The following HPSE2 variants were observed in gnomAD, a reference collection of about 807,000 sequenced individuals.
HPSE2 encodes the protein inactive heparanase-2.
HPSE2 carries 38 observed loss-of-function variants against 60.5 expected under a neutral mutation model. The observed-to-expected ratio is 0.63, with a 90% CI of 0.48 to 0.82. The LOEUF (loss-of-function observed/expected upper bound fraction) is 0.82. Among genes scored for constraint, HPSE2 ranks in the 40% least tolerant of loss-of-function variants. The pLI is 0.00. For missense variants in HPSE2, 713 were observed against 740.4 expected, an observed-to-expected ratio of 0.96 and a Z score of 0.43; for synonymous variants, 295 against 293.2, an observed-to-expected ratio of 1.01 and a Z score of -0.06.
chr10:98,967,440 T>A (rs941060303), intron 3 of HPSE2, among the ~76,000 whole-genome samples: 1 of 152,336 alleles, frequency 6.6e-6, no homozygotes, highest in South Asian at 2.1e-4. Context: ...AGGTTGCAAC[T>A]TCTCTGTGCT....
At chr10:98,559,353 T>C (rs1411179471) in intron 9 of HPSE2, among the ~76,000 whole-genome samples, 1 of 152,140 alleles carries the variant, frequency 6.6e-6, no homozygotes. Context: ...TTAACTCAGT[T>C]CTGAGTCCCC....
At chr10:98,960,746 T>TTTTTTTTTTTTTTA (rs1955653455) in intron 3 of HPSE2, among the ~76,000 whole-genome samples, 1 of 129,862 alleles carries the variant, frequency 7.7e-6, no homozygotes, top group East Asian at 2.2e-4. Flanking sequence ...TTTTATTTTT[T>TTTTTTTTTTTTTTA]TTTTTATTAT....
In HPSE2 at chr10:98,480,093, A is replaced by T. The variant is rs1167176799; in HGVS notation, c.1613+2543T>A. Among the ~76,000 whole-genome samples the T allele has an allele frequency of 2.5e-3, 363 of 145,164 alleles. 2 individuals carry two copies. The highest frequency in any genetic ancestry group is 8.2e-3 in the African/African-American group (326 of 39,740). ...CTCTTTGTCCTTGTCCCTCTCCTAC[A>T]TTTTTTTTTTTTTGAGGCAGAGTCT... On this transcript the variant is annotated intron_variant, in intron 11 of 11. Transcript: ENST00000370552.
At chr10:99,029,189 G>C (rs1957443143) in intron 3 of HPSE2, among the ~76,000 whole-genome samples, 1 of 152,106 alleles carries the variant, frequency 6.6e-6, no homozygotes, top group Non-Finnish European at 1.5e-5. Context: ...ATAAAGTGAA[G>C]AGACAAACAA....
the HPSE2 span, among the ~76,000 whole-genome samples, chr10:99,280,142 C>T: frequency 6.6e-6 from 1 of 152,172 alleles, no homozygotes; most frequent in South Asian, 2.1e-4. Context: ...AAAGTCCCTT[C>T]CAAATCCAAA....
intron 3 of HPSE2, among the ~76,000 whole-genome samples, chr10:99,011,967 T>C (rs1359026469): frequency 6.6e-6 from 1 of 151,964 alleles, no homozygotes; most frequent in Admixed American, 6.6e-5. Flanking sequence ...TCACACTATA[T>C]TCTCAGTCCT....
At chr10:98,519,531 C>G (rs987329723) in intron 9 of HPSE2, among the ~76,000 whole-genome samples, 4 of 152,242 alleles carry the variant, frequency 2.6e-5, no homozygotes, top group African/African-American at 7.2e-5. Flanking sequence ...ATGTGCTGTG[C>G]TTAAAGAAGA....
the HPSE2 span, among the ~76,000 whole-genome samples, chr10:99,283,232 T>C: frequency 7.9e-6 from 1 of 126,078 alleles, no homozygotes; most frequent in Admixed American, 8.3e-5. Context: ...GGATTTCAAA[T>C]CAATAACCTA....
chr10:98,615,529 C>T (rs1257809233), intron 8 of HPSE2, among the ~76,000 whole-genome samples: 1 of 152,172 alleles, frequency 6.6e-6, no homozygotes, highest in Non-Finnish European at 1.5e-5. Context: ...TCATATATCA[C>T]TGTCAGTAGT....
intron 7 of HPSE2, among the ~76,000 whole-genome samples, chr10:98,636,815 A>G (rs549634799): frequency 2.0e-5 from 3 of 152,328 alleles, no homozygotes; most frequent in African/African-American, 4.8e-5. Context: ...TGAAAATAAT[A>G]TCAAAAAGTG....
At chr10:99,304,561 A>G in the HPSE2 span, among the ~76,000 whole-genome samples, 1 of 152,216 alleles carries the variant, frequency 6.6e-6, no homozygotes, top group African/African-American at 2.4e-5. Flanking sequence ...GCCCTGCATC[A>G]GATACATTGT....
At chr10:98,556,128 C>T (rs539559) in intron 9 of HPSE2, among the ~76,000 whole-genome samples, 129,517 of 152,100 alleles carry the variant, frequency 0.85, 56,356 homozygotes, top group East Asian at 1. Flanking sequence ...AAAAGACTGA[C>T]AGTGATAAAG....
chr10:98,595,929 A>G (rs1349029807), intron 9 of HPSE2, among the ~76,000 whole-genome samples: 2 of 152,172 alleles, frequency 1.3e-5, no homozygotes, highest in African/African-American at 4.8e-5. Context: ...GAGTTTTGTC[A>G]TATGCTTTTT....
intron 3 of HPSE2, among the ~76,000 whole-genome samples, chr10:99,029,460 T>C (rs193056480): frequency 7.9e-5 from 12 of 152,184 alleles, no homozygotes; most frequent in African/African-American, 9.6e-5. Context: ...GCCCCAAATG[T>C]CTGGCTGCGC....
At position 98,945,481 on chromosome 10, in the gene HPSE2, G is replaced by C. The variant is rs570055202; in HGVS notation, c.610+198757C>G. On this transcript the variant is annotated intron_variant, in intron 3 of 11. Transcript: ENST00000370552. ...TTACCCTCTTAACCCAACCAATAAA[G>C]AGGAAATGCAGTATAAATTATGATC... 2.0e-5 allele frequency among the ~76,000 whole-genome samples: 3 copies of C among 152,106 alleles called. No homozygotes were observed. The East Asian group carries it at 5.8e-4, about 29-fold the overall frequency.
intron 7 of HPSE2, among the ~76,000 whole-genome samples, chr10:98,621,613 T>C (rs2133988399): frequency 6.6e-6 from 1 of 152,300 alleles, no homozygotes; most frequent in Non-Finnish European, 1.5e-5. Context: ...TTGACAACCA[T>C]TGCTGGCAAA....
intron 2 of HPSE2, among the ~76,000 whole-genome samples, chr10:99,159,838 G>A (rs11190000): frequency 0.036 from 5,533 of 152,074 alleles, 306 homozygotes; most frequent in African/African-American, 0.11. Flanking sequence ...AAAAGTGTTC[G>A]CTCTTTAAAA....
chr10:98,621,611 C>A (rs369330682), intron 7 of HPSE2, among the ~76,000 whole-genome samples: 4 of 152,198 alleles, frequency 2.6e-5, no homozygotes, highest in Non-Finnish European at 4.4e-5. Context: ...AATTGACAAC[C>A]ATTGCTGGCA....
chr10:98,708,453 C>T (rs1948600824), intron 5 of HPSE2, among the ~76,000 whole-genome samples: 1 of 75,364 alleles, frequency 1.3e-5, no homozygotes, highest in Admixed American at 1.4e-4. Context: ...GAGACTACGT[C>T]TCAAAAAAAA....
Sources: gnomAD v4.1 joint callset for allele counts (sites outside exome capture counted in the v4.1 genomes callset) on GRCh38, gnomAD v4.1.1 for gene constraint, MANE v1.5 for transcripts, NCBI Gene and HGNC (gene_info 2026-07-23, HGNC 2026-07-21) for gene names.